Variants in NGF observed in about 807,000 individuals in gnomAD.
NGF encodes the protein beta-nerve growth factor.
NGF carries 4 observed loss-of-function variants against 12.8 expected under a neutral mutation model. The observed-to-expected ratio is 0.31, with a 90% CI of 0.15 to 0.72. NGF has a LOEUF of 0.72. Ranked by LOEUF, NGF falls within the 30% of genes least tolerant of loss-of-function variation. The probability of loss-of-function intolerance (pLI) is 0.69; values close to 1 mark genes in which losing one functional copy is unlikely to be tolerated. For synonymous variants in NGF, 140 were observed against 130.0 expected, an observed-to-expected ratio of 1.08 and a Z score of -0.52; for missense variants, 283 against 330.8, an observed-to-expected ratio of 0.86 and a Z score of 1.12.
chr1:115,319,555 T>A (rs1212187665), intron 1 of NGF, among the ~76,000 whole-genome samples: 2 of 152,210 alleles, frequency 1.3e-5, no homozygotes, highest in African/African-American at 4.8e-5. Flanking sequence ...CACCTTTTCT[T>A]TTGGCAAATT....
rs1371295734 is a variant in NGF at position 115,313,867 on chromosome 1, T to G, written c.-136-20117A>C. Among the ~76,000 whole-genome samples the G allele has an allele frequency of 3.9e-5, 6 of 152,166 alleles. No individual in the cohort carries two copies. In the East Asian group the frequency reaches 9.6e-4, roughly 24 times the overall value. ...AAGTAGCTTTGATTTTAAGATAAAT[T>G]TGTAAAATAATTCCTAGTACATTGT... On this transcript the variant is annotated intron_variant, in intron 1 of 2. Coordinates refer to ENST00000369512, the MANE Select transcript of NGF (RefSeq NM_002506.3).
At chr1:115,299,218 T>C (rs570326227) in intron 1 of NGF, among the ~76,000 whole-genome samples, 9 of 152,330 alleles carry the variant, frequency 5.9e-5, no homozygotes, top group Admixed American at 5.2e-4. Flanking sequence ...TTCTTTTTGA[T>C]GAAAAGTTTC....
At chr1:115,317,189 CT>C (rs1366077410) in intron 1 of NGF, among the ~76,000 whole-genome samples, 1 of 151,930 alleles carries the variant, frequency 6.6e-6, no homozygotes, top group Non-Finnish European at 1.5e-5. Context: ...TGTGATGGCG[CT>C]TGCGTGGAGC....
intron 1 of NGF, among the ~76,000 whole-genome samples, chr1:115,331,897 A>G (rs986763261): frequency 1.3e-5 from 2 of 152,196 alleles, no homozygotes. Flanking sequence ...TGAGAGAAGA[A>G]AATCTATCCA....
intron 1 of NGF, among the ~76,000 whole-genome samples, chr1:115,302,951 C>T (rs1023841588): frequency 6.6e-6 from 1 of 152,240 alleles, no homozygotes; most frequent in African/African-American, 2.4e-5. Flanking sequence ...GTGTCCACCA[C>T]TTTCAGCCCT....
intron 1 of NGF, among the ~76,000 whole-genome samples, chr1:115,333,666 T>C (rs1202238035): frequency 2.3e-5 from 1 of 43,442 alleles, no homozygotes; most frequent in African/African-American, 2.7e-4. Flanking sequence ...TCTTTCTTTC[T>C]TTCTTTCTTT....
intron 1 of NGF, among the ~76,000 whole-genome samples, chr1:115,334,742 C>A (rs1181467929): frequency 6.6e-6 from 1 of 152,210 alleles, no homozygotes; most frequent in Admixed American, 6.5e-5. Flanking sequence ...ACTATGACTT[C>A]TGACATTTAG....
At chr1:115,324,522 T>C (rs1654719140) in intron 1 of NGF, among the ~76,000 whole-genome samples, 2 of 152,148 alleles carry the variant, frequency 1.3e-5, no homozygotes, top group African/African-American at 2.4e-5. Flanking sequence ...TTCTCTTTCC[T>C]GGCCCTGCTT....
At chr1:115,319,412 C>T (rs1315389308) in intron 1 of NGF, among the ~76,000 whole-genome samples, 10 of 152,142 alleles carry the variant, frequency 6.6e-5, no homozygotes, top group African/African-American at 1.4e-4. Context: ...TACATGTACT[C>T]GCACACACAC....
chr1:115,302,072 T>G (rs1009565946), intron 1 of NGF, among the ~76,000 whole-genome samples: 7 of 152,222 alleles, frequency 4.6e-5, no homozygotes, highest in Non-Finnish European at 1.0e-4. Context: ...AGGCACTTAA[T>G]GAATGTTTAT....
At chr1:115,337,028 C>T (rs1009968273) in intron 1 of NGF, among the ~76,000 whole-genome samples, 9 of 152,112 alleles carry the variant, frequency 5.9e-5, no homozygotes, top group Admixed American at 6.5e-5. Context: ...CAGCTGGGAA[C>T]GTGCACTAAG....
intron 1 of NGF, among the ~76,000 whole-genome samples, chr1:115,315,421 A>T (rs974839352): frequency 6.6e-6 from 1 of 152,150 alleles, no homozygotes; most frequent in African/African-American, 2.4e-5. Flanking sequence ...GAATAGGGTC[A>T]AAAGGACTTC....
At chr1:115,337,323 T>C (rs1221312753) in intron 1 of NGF, among the ~76,000 whole-genome samples, 1 of 133,684 alleles carries the variant, frequency 7.5e-6, no homozygotes, top group East Asian at 2.4e-4. Flanking sequence ...GGTTTGTAAT[T>C]AGAGGGAGCT....
intron 1 of NGF, among the ~76,000 whole-genome samples, chr1:115,330,886 T>C (rs1207612339): frequency 2.6e-5 from 4 of 152,124 alleles, no homozygotes; most frequent in African/African-American, 7.2e-5. Flanking sequence ...CCTTACTGAG[T>C]AGGGTTGTGA....
At chr1:115,336,113 T>C (rs1454990500) in intron 1 of NGF, among the ~76,000 whole-genome samples, 1 of 151,988 alleles carries the variant, frequency 6.6e-6, no homozygotes, top group East Asian at 1.9e-4. Flanking sequence ...AGTTGTGGGG[T>C]GGGCAATAGG....
At chr1:115,296,342 A>C (rs186475679) in intron 1 of NGF, among the ~76,000 whole-genome samples, 1 of 152,364 alleles carries the variant, frequency 6.6e-6, no homozygotes, top group Admixed American at 6.5e-5. Flanking sequence ...GCTTTTAATC[A>C]GTGGAGCAAC....
chr1:115,319,258 A>G (rs527251315), intron 1 of NGF, among the ~76,000 whole-genome samples: 9 of 152,092 alleles, frequency 5.9e-5, no homozygotes, highest in African/African-American at 2.2e-4. Context: ...CTTCTTCAAG[A>G]TTCTCCATCT....
Position 115,286,954 on chromosome 1 carries a change from C to T in NGF, c.-12-147G>A, listed in dbSNP as rs1653530610. 3.0e-6 allele frequency: 3 copies of T among 1,011,042 alleles called. No individual in the cohort carries two copies. The South Asian group carries it at 4.0e-5, about 14-fold the overall frequency. The allele number at this position is 1,011,042 out of a possible 1,614,324, so 62.6% of individuals were successfully genotyped here. On this transcript the variant is annotated intron_variant, in intron 2 of 2. Transcript: ENST00000369512. ...GCACTTCTGAGAGGGAAAGGGTGTG[C>T]TAGCAATGGTTATACCGGGACAACA...
intron 1 of NGF, among the ~76,000 whole-genome samples, chr1:115,326,619 C>T (rs1261905813): frequency 6.6e-6 from 1 of 152,152 alleles, no homozygotes; most frequent in Admixed American, 6.5e-5. Context: ...CTGGCACAGA[C>T]CTCCATTCTG....
Sources: gnomAD v4.1 joint callset for allele counts (sites outside exome capture counted in the v4.1 genomes callset) on GRCh38, gnomAD v4.1.1 for gene constraint, MANE v1.5 for transcripts, NCBI Gene and HGNC (gene_info 2026-07-23, HGNC 2026-07-21) for gene names.